Variants in ABHD18 observed in about 807,000 individuals in gnomAD.
ABHD18 encodes cardiolipin-specific deacylase, mitochondrial.
In ABHD18, 55 loss-of-function variants were observed where a neutral mutation model predicts 65.9. The ratio of observed to expected loss-of-function variants is 0.84; its 90% CI spans 0.67 to 1.05. The LOEUF is 1.05. Among genes scored for constraint, ABHD18 ranks in the 50% least tolerant of loss-of-function variants. The probability of loss-of-function intolerance (pLI) is 0.00; values close to 1 mark genes in which losing one functional copy is unlikely to be tolerated. For missense variants in ABHD18, 533 were observed against 558.5 expected (o/e 0.95, Z 0.46); for synonymous variants, 181 against 180.2 (o/e 1.00, Z -0.04).
At chr4:127,977,555 C>G (rs1748189557) in intron 1 of ABHD18, among the ~76,000 whole-genome samples, 1 of 152,118 alleles carries the variant, frequency 6.6e-6, no homozygotes, top group Non-Finnish European at 1.5e-5. Flanking sequence ...GATTGAAAAG[C>G]TTAATCCTAT....
At chr4:127,979,423 C>T (rs1387292354) in intron 1 of ABHD18, among the ~76,000 whole-genome samples, 1 of 151,998 alleles carries the variant, frequency 6.6e-6, no homozygotes, top group East Asian at 1.9e-4. Flanking sequence ...GGCGTGGTGG[C>T]GGGCACCTGT....
intron 12 of ABHD18, among the ~76,000 whole-genome samples, chr4:128,031,634 A>G (rs527840268): frequency 1.3e-5 from 2 of 152,238 alleles, no homozygotes; most frequent in Non-Finnish European, 2.9e-5. Context: ...GGATAGCTAT[A>G]TAATAGAAGA....
chr4:127,995,176 G>A (rs866642817), intron 4 of ABHD18, among the ~76,000 whole-genome samples: 14 of 152,274 alleles, frequency 9.2e-5, no homozygotes, highest in Middle Eastern at 3.4e-3. Flanking sequence ...CACTTGGCCC[G>A]GCCAGGCACT....
intron 1 of ABHD18, among the ~76,000 whole-genome samples, chr4:127,966,288 A>G (rs1384596341): frequency 6.6e-6 from 1 of 152,182 alleles, no homozygotes; most frequent in African/African-American, 2.4e-5. Flanking sequence ...ATTTCATTTG[A>G]TCACAAGTAT....
intron 8 of ABHD18, among the ~76,000 whole-genome samples, chr4:128,018,593 C>T (rs982846005): frequency 3.9e-5 from 6 of 152,102 alleles, no homozygotes; most frequent in Admixed American, 2.0e-4. Flanking sequence ...GAGCTGTGAT[C>T]ATACCACTGC....
intron 4 of ABHD18, among the ~76,000 whole-genome samples, chr4:128,001,269 G>GGGTTTGTC (rs1340568962): frequency 6.6e-6 from 1 of 151,990 alleles, no homozygotes; most frequent in Non-Finnish European, 1.5e-5. Flanking sequence ...TGTTGGCTGT[G>GGGTTTGTC]GGTTTGTCAT....
chr4:127,970,543 C>G (rs963712929), intron 1 of ABHD18, among the ~76,000 whole-genome samples: 15 of 146,118 alleles, frequency 1.0e-4, no homozygotes, highest in African/African-American at 3.8e-4. Flanking sequence ...GAGCCGAGAT[C>G]GCACCATTGC....
At chr4:128,005,741 G>A (rs182626510) in intron 4 of ABHD18, among the ~76,000 whole-genome samples, 10 of 152,276 alleles carry the variant, frequency 6.6e-5, no homozygotes, top group Admixed American at 3.9e-4. Context: ...CCACTGAGGC[G>A]GACCTCCTGT....
Position 128,027,165 on chromosome 4 carries a change from T to C in ABHD18, c.802-1310T>C, listed in dbSNP as rs985056716. On this transcript the variant is annotated intron_variant, in intron 10 of 12. Transcript: ENST00000645843. ...TACAGTATTAAGTACAGTAACATGTTGTACAGGTTAGTAACCTAGAAACAA... is the reference window on the plus strand; with the variant it reads ...TACAGTATTAAGTACAGTAACATGTCGTACAGGTTAGTAACCTAGAAACAA... Among the ~76,000 whole-genome samples the C allele has an allele frequency of 2.6e-5, 4 of 152,204 alleles. No individual in the cohort carries two copies. The East Asian group carries it at 7.7e-4, about 29-fold the overall frequency.
chr4:127,983,422 G>A (rs1002327310), intron 2 of ABHD18, among the ~76,000 whole-genome samples: 2 of 152,158 alleles, frequency 1.3e-5, no homozygotes, highest in Non-Finnish European at 2.9e-5. Flanking sequence ...GTAGCTCACA[G>A]GAAAATCTGG....
At chr4:127,990,719 G>A (rs752893314) in intron 4 of ABHD18, among the ~76,000 whole-genome samples, 13 of 152,104 alleles carry the variant, frequency 8.5e-5, no homozygotes, top group Non-Finnish European at 1.6e-4. Context: ...CCTCAGGATT[G>A]GTATGTAATT....
chr4:127,975,469 CAT>C, intron 1 of ABHD18, among the ~76,000 whole-genome samples: 1 of 152,310 alleles, frequency 6.6e-6, no homozygotes, highest in South Asian at 2.1e-4. Context: ...CATGTTGTAT[CAT>C]GTGCCAGAAG....
intron 4 of ABHD18, among the ~76,000 whole-genome samples, chr4:127,990,547 G>A (rs1750738127): frequency 6.6e-6 from 1 of 151,980 alleles, no homozygotes; most frequent in Non-Finnish European, 1.5e-5. Context: ...GGGCCACAGA[G>A]TGAGACTCCA....
chr4:127,989,933 GA>G, intron 4 of ABHD18, 112 bp downstream of exon 4: 1 of 580,094 alleles, frequency 1.7e-6, no homozygotes, highest in Non-Finnish European at 2.9e-6. Context: ...CTAAATTATT[GA>G]AAAGGCTGAA....
intron 1 of ABHD18, chr4:127,966,117 A>G (rs1011964554): frequency 1.3e-5 from 2 of 152,332 alleles, no homozygotes; most frequent in Admixed American, 6.5e-5. Context: ...ACATTTTTAG[A>G]AAACATGTCA....
chr4:128,020,038 A>G (rs1360068959), intron 8 of ABHD18, 42 bp from the exon 9 acceptor site: 2 of 1,311,268 alleles, frequency 1.5e-6, no homozygotes, highest in South Asian at 1.4e-5. Context: ...ATTTTAATGA[A>G]TAGAAACTCT....
chr4:128,035,244 A>G (rs1193762386), intron 12 of ABHD18, among the ~76,000 whole-genome samples: 1 of 152,178 alleles, frequency 6.6e-6, no homozygotes, highest in Non-Finnish European at 1.5e-5. Context: ...AAGGCACAAA[A>G]AGTGCTTCAG....
rs1302090146 is a variant in ABHD18, at chr4:128,036,772, A to C, written c.*959A>C. On this transcript the variant is annotated 3_prime_UTR_variant, in exon 13 of 13. Transcript: ENST00000645843. The stretch of plus-strand genomic sequence containing the variant: ...AACCAAAATGAGTGTTCTGCAGATA[A>C]AATGCATTAGACTTTGCTAGACTAA... 2.0e-5 allele frequency: 3 copies of C among 151,724 alleles called. No individual in the cohort carries two copies. Among genetic ancestry groups the C allele is most frequent in the Non-Finnish European group, 1.5e-5 (1 of 68,026 alleles). The allele number at this position is 151,724 out of a possible 1,614,324, so 9.4% of individuals were successfully genotyped here. A position where few individuals can be genotyped will look rare whatever the true frequency, so the allele number is the denominator to read the frequency against.
chr4:128,021,285 T>C, intron 10 of ABHD18, 47 bp downstream of exon 10: 2 of 1,115,688 alleles, frequency 1.8e-6, no homozygotes, highest in South Asian at 1.4e-5. Flanking sequence ...GGGGAGTTGA[T>C]TGTATATTTA....
Sources: allele counts gnomAD v4.1 joint callset (sites outside exome capture counted in the v4.1 genomes callset), GRCh38; gene constraint gnomAD v4.1.1; transcripts MANE v1.5; gene names NCBI Gene and HGNC (gene_info 2026-07-23, HGNC 2026-07-21).